Variants in CRYL1 observed in about 807,000 individuals in gnomAD.
CRYL1 encodes crystallin lambda 1, also known as lambda-crystallin homolog.
CRYL1 carries 29 observed loss-of-function variants against 36.6 expected under a neutral mutation model. That is an observed-to-expected ratio of 0.79 (90% CI 0.59 to 1.08). The LOEUF is 1.08. CRYL1 is among the 50% of genes least tolerant of loss of function. The probability of loss-of-function intolerance (pLI) is 0.00; values close to 1 mark genes in which losing one functional copy is unlikely to be tolerated. For synonymous variants in CRYL1, 152 were observed against 151.5 expected (o/e 1.00, Z -0.02); for missense variants, 411 against 407.9 (o/e 1.01, Z -0.06).
At chr13:20,459,130 G>C (rs1265365946) in intron 3 of CRYL1, among the ~76,000 whole-genome samples, 1 of 151,640 alleles carries the variant, frequency 6.6e-6, no homozygotes, top group Non-Finnish European at 1.5e-5. Flanking sequence ...CGGCTACTCG[G>C]GAGGCTGAGG....
chr13:20,439,526 A>AAAT, intron 4 of CRYL1, 67 bp downstream of exon 4: 2 of 1,097,164 alleles, frequency 1.8e-6, no homozygotes, highest in Non-Finnish European at 2.5e-6. Context: ...AAAAAAAAAA[A>AAAT]AAAAGAAAAA....
chr13:20,451,265 T>A (rs1185697552), intron 3 of CRYL1, among the ~76,000 whole-genome samples: 1 of 151,856 alleles, frequency 6.6e-6, no homozygotes, highest in Admixed American at 6.6e-5. Context: ...CAAAAGCAAT[T>A]GCAACAGAAA....
rs1307522538 is a variant in CRYL1 at position 20,415,217 on chromosome 13, A to G, written c.634-1830T>C. On this transcript the variant is annotated intron_variant, in intron 5 of 7. Transcript: ENST00000298248. This position sits in a 1 kb window ranked among gnomAD's most constrained non-coding sequence, Gnocchi z 4.1. ...CAAGCTGGGGGCTTGCTCCGCCCGG[A>G]GGGCTCTGCGGGGACCCTGGCACAG... Among the ~76,000 whole-genome samples, 1 of 152,092 alleles carries G rather than the reference A, an allele frequency of 6.6e-6. No individual in the cohort carries two copies. Among genetic ancestry groups the G allele is most frequent in the East Asian group, 1.9e-4 (1 of 5,180 alleles).
intron 3 of CRYL1, among the ~76,000 whole-genome samples, chr13:20,477,294 T>C (rs1354614581): frequency 2.0e-5 from 3 of 152,130 alleles, no homozygotes; most frequent in Non-Finnish European, 4.4e-5. Flanking sequence ...CACAGCTACA[T>C]TCCAACCTGG....
intron 5 of CRYL1, among the ~76,000 whole-genome samples, chr13:20,429,304 C>T (rs2032001515): frequency 6.6e-6 from 1 of 152,172 alleles, no homozygotes; most frequent in South Asian, 2.1e-4. Context: ...AATCTAAGCT[C>T]AACTATTGAA....
At chr13:20,421,630 G>T (rs2031819035) in intron 5 of CRYL1, among the ~76,000 whole-genome samples, 1 of 152,068 alleles carries the variant, frequency 6.6e-6, no homozygotes, top group Non-Finnish European at 1.5e-5. Context: ...TCTCTTGGGG[G>T]CTCCTTACCC....
intron 5 of CRYL1, among the ~76,000 whole-genome samples, chr13:20,428,865 C>T (rs1350201950): frequency 6.6e-6 from 1 of 152,182 alleles, no homozygotes; most frequent in Non-Finnish European, 1.5e-5. Context: ...CAGGCTCCCT[C>T]AGCGCCCTGA....
At chr13:20,489,336 C>G in intron 3 of CRYL1, 34 bp downstream of exon 3, 14 of 1,610,302 alleles carry the variant, frequency 8.7e-6, no homozygotes, top group Non-Finnish European at 1.2e-5. Context: ...ATGTCTCAGG[C>G]CCCACAGATG....
At chr13:20,496,487 C>A (rs2033606809) in intron 2 of CRYL1, among the ~76,000 whole-genome samples, 1 of 152,138 alleles carries the variant, frequency 6.6e-6, no homozygotes, top group Non-Finnish European at 1.5e-5. Flanking sequence ...CTAGTATATT[C>A]CCGTTAATTC....
At chr13:20,494,337 A>G (rs1296410159) in intron 2 of CRYL1, among the ~76,000 whole-genome samples, 1 of 152,198 alleles carries the variant, frequency 6.6e-6, no homozygotes, top group Non-Finnish European at 1.5e-5. Context: ...TATTTAAGAA[A>G]TTTTAAATGT....
chr13:20,439,518 A>AAAAAAAAAAAG lies in CRYL1; in HGVS notation c.438+74_438+75insCTTTTTTTTTT. On this transcript the variant is annotated intron_variant, in intron 4 of 7. Transcript: ENST00000298248. ...GTTATTGACCCCCCTCCCCCGCAAA[A>AAAAAAAAAAAG]AAAAAAAAAAAAGAAAAAAAAAAAA... The AAAAAAAAAAAG allele has an allele frequency of 1.1e-5, 8 of 722,140 alleles. No homozygotes were observed. The East Asian group carries it at 1.4e-4, about 13-fold the overall frequency. The allele number at this position is 722,140 out of a possible 1,614,324, so 44.7% of individuals were successfully genotyped here. A position where few individuals can be genotyped will look rare whatever the true frequency, so the allele number is the denominator to read the frequency against.
chr13:20,520,827 C>T (rs1383130140), intron 1 of CRYL1, among the ~76,000 whole-genome samples: 3 of 152,080 alleles, frequency 2.0e-5, no homozygotes, highest in African/African-American at 4.8e-5. Context: ...GGACCCGGGC[C>T]GGGCACGGTG....
At chr13:20,412,752 C>T (rs1358842201) in intron 6 of CRYL1, among the ~76,000 whole-genome samples, 6 of 152,160 alleles carry the variant, frequency 3.9e-5, no homozygotes, top group Non-Finnish European at 5.9e-5. Flanking sequence ...CTGGAGGCAG[C>T]GTCTGGCCAA....
chr13:20,432,908 C>A (rs1443247316), intron 4 of CRYL1, among the ~76,000 whole-genome samples: 1 of 152,096 alleles, frequency 6.6e-6, no homozygotes, highest in Non-Finnish European at 1.5e-5. Context: ...GTCCCAGCTA[C>A]TTGGAAGGCT....
intron 5 of CRYL1, among the ~76,000 whole-genome samples, chr13:20,426,263 G>A (rs1432266008): frequency 7.1e-6 from 1 of 140,944 alleles, no homozygotes; most frequent in African/African-American, 2.6e-5. Context: ...AATTAAAAGT[G>A]AACTGTCTAT....
At chr13:20,487,606 ATACTT>A (rs1279158429) in intron 3 of CRYL1, among the ~76,000 whole-genome samples, 1 of 152,028 alleles carries the variant, frequency 6.6e-6, no homozygotes, top group African/African-American at 2.4e-5. Flanking sequence ...ATATAACTAA[ATACTT>A]TCCTTAAAAA....
chr13:20,438,164 A>G (rs2032275570), intron 4 of CRYL1, among the ~76,000 whole-genome samples: 1 of 152,206 alleles, frequency 6.6e-6, no homozygotes, highest in Non-Finnish European at 1.5e-5. Flanking sequence ...TCCCAGGACC[A>G]TGCAGCTATG....
At chr13:20,512,363 C>A (rs892555757) in intron 2 of CRYL1, 80 bp downstream of exon 2, 2 of 998,830 alleles carry the variant, frequency 2.0e-6, no homozygotes, top group Non-Finnish European at 1.5e-6. Flanking sequence ...ATCCTCATAG[C>A]CTTGAGGATA....
intron 3 of CRYL1, among the ~76,000 whole-genome samples, chr13:20,480,794 G>A (rs1329162354): frequency 6.6e-6 from 1 of 152,196 alleles, no homozygotes; most frequent in Non-Finnish European, 1.5e-5. Flanking sequence ...CAATGAGGAT[G>A]CCCTCCTCTT....
Sources: gnomAD v4.1 joint callset for allele counts (sites outside exome capture counted in the v4.1 genomes callset) on GRCh38, gnomAD v4.1.1 for gene constraint, Gnocchi (gnomAD v3.1) non-coding constraint, MANE v1.5 for transcripts, NCBI Gene and HGNC (gene_info 2026-07-23, HGNC 2026-07-21) for gene names.